The following SECISBP2L variants were observed in gnomAD, a reference collection of about 807,000 sequenced individuals.
The protein encoded by SECISBP2L is selenocysteine insertion sequence-binding protein 2-like.
Under a neutral mutation model 114.7 loss-of-function variants are expected in SECISBP2L, and 43 were observed. The observed-to-expected ratio is 0.38, with a 90% CI of 0.29 to 0.48. SECISBP2L has a LOEUF of 0.48. Among genes scored for constraint, SECISBP2L ranks in the 20% least tolerant of loss-of-function variants. SECISBP2L has a pLI of 0.98. For synonymous variants in SECISBP2L, 451 were observed against 439.7 expected, an observed-to-expected ratio of 1.03 and a Z score of -0.32; for missense variants, 1,136 against 1,301.1, an observed-to-expected ratio of 0.87 and a Z score of 1.95.
chr15:49,016,367 G>A (rs576074476), intron 11 of SECISBP2L, 193 bp downstream of exon 11: 199 of 472,078 alleles, frequency 4.2e-4, no homozygotes, highest in African/African-American at 3.5e-3. Context: ...GTGTGGAAAG[G>A]AGCATGGACA....
chr15:49,020,118 T>C (rs1196677348), intron 7 of SECISBP2L, among the ~76,000 whole-genome samples: 1 of 152,218 alleles, frequency 6.6e-6, no homozygotes, highest in African/African-American at 2.4e-5. Flanking sequence ...GGATCTGTTC[T>C]GCATCTTGAC....
chr15:49,037,197 G>T (rs1268630110), intron 2 of SECISBP2L, among the ~76,000 whole-genome samples: 1 of 126,208 alleles, frequency 7.9e-6, no homozygotes, highest in African/African-American at 3.0e-5. Context: ...CAGCTTCAAA[G>T]TTAAGGACTA....
chr15:49,033,599 C>A (rs900248677), intron 3 of SECISBP2L, among the ~76,000 whole-genome samples: 3 of 152,060 alleles, frequency 2.0e-5, no homozygotes, highest in Non-Finnish European at 4.4e-5. Flanking sequence ...AACTCCTGGG[C>A]TCCTAGGCTG....
intron 7 of SECISBP2L, among the ~76,000 whole-genome samples, chr15:49,019,952 T>C (rs1440371536): frequency 1.3e-5 from 2 of 151,950 alleles, no homozygotes; most frequent in Admixed American, 6.6e-5. Flanking sequence ...CAGAGAACCA[T>C]GGAAGTGAAA....
At chr15:49,034,353 T>A (rs969006414) in intron 3 of SECISBP2L, among the ~76,000 whole-genome samples, 1 of 152,274 alleles carries the variant, frequency 6.6e-6, no homozygotes, top group East Asian at 1.9e-4. Context: ...TAAAATAGCC[T>A]TTTAAGTTAA....
intron 7 of SECISBP2L, among the ~76,000 whole-genome samples, chr15:49,023,998 A>G (rs1341675941): frequency 6.6e-6 from 1 of 152,186 alleles, no homozygotes; most frequent in Non-Finnish European, 1.5e-5. Flanking sequence ...AACCTATTCC[A>G]TAAAATAAAG....
In SECISBP2L at chr15:48,988,768, TTCA is replaced by T; in HGVS notation, c.*3473_*3475del. 1 of 287,680 alleles carries T rather than the reference TTCA, an allele frequency of 3.5e-6. No individual in the cohort carries two copies. Among genetic ancestry groups the T allele is most frequent in the South Asian group, 3.5e-5 (1 of 28,810 alleles). The allele number at this position is 287,680 out of a possible 1,614,324, so 17.8% of individuals were successfully genotyped here. The stretch of plus-strand genomic sequence containing the variant: ...TCATACAGCAAAAGATGAAAATCCC[TTCA>T]TGTTATAACTCACACTAATTTTGCT... On this transcript the variant is annotated 3_prime_UTR_variant, in exon 18 of 18. Coordinates refer to ENST00000559471, the MANE Select transcript of SECISBP2L (RefSeq NM_001193489.2).
rs1429061341 is a variant in SECISBP2L at position 49,046,371 on chromosome 15, C to G, written c.-72G>C. The G allele has an allele frequency of 7.1e-7, 1 of 1,398,970 alleles. No individual in the cohort carries two copies. Among genetic ancestry groups the G allele is most frequent in the Non-Finnish European group, 9.4e-7 (1 of 1,065,768 alleles). 86.7% of individuals were successfully genotyped at this position (1,398,970 alleles called of 1,614,324 possible). On this transcript the variant is annotated 5_prime_UTR_variant, in exon 1 of 18. Coordinates refer to ENST00000559471, the MANE Select transcript of SECISBP2L (RefSeq NM_001193489.2). ...CCTCGGGCCGCTTTCTCCATGGCCC[C>G]CCGCTCGGGTCCAGACTGGGTTCCG...
intron 2 of SECISBP2L, 164 bp downstream of exon 2, chr15:49,037,427 A>T (rs1903033779): frequency 3.4e-6 from 2 of 585,266 alleles, no homozygotes; most frequent in Non-Finnish European, 5.8e-6. Context: ...AAAAATGAGA[A>T]ACTAATCCAT....
intron 11 of SECISBP2L, among the ~76,000 whole-genome samples, chr15:49,014,597 A>G (rs1402049407): frequency 2.6e-5 from 4 of 152,080 alleles, no homozygotes; most frequent in African/African-American, 9.7e-5. Flanking sequence ...ACAGTCATTC[A>G]AGACAGAATC....
At chr15:49,007,611 T>C (rs1316171415) in intron 14 of SECISBP2L, among the ~76,000 whole-genome samples, 1 of 152,192 alleles carries the variant, frequency 6.6e-6, no homozygotes, top group East Asian at 1.9e-4. Flanking sequence ...AATTACTAAT[T>C]ATTAAATTCC....
rs919033016 is a variant in SECISBP2L, at chr15:49,004,794, G to A, written c.2028-3697C>T. Among the ~76,000 whole-genome samples the A allele has an allele frequency of 2.6e-5, 4 of 152,186 alleles. No individual in the cohort carries two copies. The South Asian group carries it at 8.3e-4, about 31-fold the overall frequency. On this transcript the variant is annotated intron_variant, in intron 14 of 17. Transcript: ENST00000559471. ...TAATTTGATTGCACTTGTTTTGAGA[G>A]ACTGTTTGTTACAATTTCCATTCTT... is the stretch of plus-strand genomic sequence containing the variant.
At chr15:49,008,844 C>T in intron 14 of SECISBP2L, among the ~76,000 whole-genome samples, 1 of 151,986 alleles carries the variant, frequency 6.6e-6, no homozygotes, top group East Asian at 1.9e-4. Context: ...TCTTAGAAAC[C>T]TATTAATTGG....
At chr15:49,023,596 AT>A (rs1566859081) in intron 7 of SECISBP2L, among the ~76,000 whole-genome samples, 1 of 152,262 alleles carries the variant, frequency 6.6e-6, no homozygotes, top group Non-Finnish European at 1.5e-5. Flanking sequence ...CAGCATGTCT[AT>A]AACAGCAACA....
chr15:48,992,414 C>G lies in SECISBP2L; in HGVS notation c.3136G>C (p.Glu1046Gln). The change falls in exon 18 of 18, where the codon GAG becomes CAG. Residue 1046 changes from glutamate to glutamine, a missense_variant. Around this residue, in one of 2 missense-constraint regions of SECISBP2L, gnomAD observed 684 missense variants for 848.7 expected, o/e 0.81. Transcript: ENST00000559471. ...TLNGSEEDNV[E>Q]QSGEEEAEAP... The stretch of plus-strand genomic sequence containing the variant: ...TCTGCTTCCTCTTCTCCACTTTGCT[C>G]TACATTGTCTTCCTCAGAACCATTA... The G allele has an allele frequency of 2.5e-6, 4 of 1,614,186 alleles. No homozygotes were observed. The highest frequency in any genetic ancestry group is 3.4e-6 in the Non-Finnish European group (4 of 1,180,042).
At chr15:49,018,889 C>T (rs1481824157) in intron 8 of SECISBP2L, among the ~76,000 whole-genome samples, 1 of 152,142 alleles carries the variant, frequency 6.6e-6, no homozygotes, top group African/African-American at 2.4e-5. Flanking sequence ...GGTCTATTCA[C>T]CTTAATGTAT....
Position 49,013,508 on chromosome 15 carries a change from G to T in SECISBP2L, c.1562-691C>A, listed in dbSNP as rs147745667. Among the ~76,000 whole-genome samples the T allele has an allele frequency of 2.5e-3, 377 of 152,240 alleles. 1 individual carries two copies. Among genetic ancestry groups the T allele is most frequent in the African/African-American group, 8.7e-3 (361 of 41,532 alleles). Reference sequence around the variant, plus strand: ...GACAGGGTTTCACCATGTTGGCCAGGATGGTCTCGATCTCTTGACCTTGTG... The same window carrying T: ...GACAGGGTTTCACCATGTTGGCCAGTATGGTCTCGATCTCTTGACCTTGTG... On this transcript the variant is annotated intron_variant, in intron 11 of 17. Transcript: ENST00000559471.
At chr15:49,045,112 T>C (rs1190374069) in intron 1 of SECISBP2L, among the ~76,000 whole-genome samples, 3 of 152,194 alleles carry the variant, frequency 2.0e-5, no homozygotes, top group Non-Finnish European at 4.4e-5. Context: ...CAATTTCTCT[T>C]TGGTAATTCC....
chr15:48,993,802 C>CA (rs773972780), intron 17 of SECISBP2L, among the ~76,000 whole-genome samples: 5 of 151,502 alleles, frequency 3.3e-5, no homozygotes, highest in African/African-American at 4.8e-5. Context: ...CAGTTGAAGG[C>CA]AAAAAAAGTA....
Sources: allele counts gnomAD v4.1 joint callset (sites outside exome capture counted in the v4.1 genomes callset), GRCh38; gene constraint gnomAD v4.1.1; regional missense constraint gnomAD v4.1.1; transcripts MANE v1.5; gene names NCBI Gene and HGNC (gene_info 2026-07-23, HGNC 2026-07-21).